The following ECE1 variants were observed in gnomAD, a reference collection of about 807,000 sequenced individuals.
ECE1 encodes the protein endothelin converting enzyme 1.
Under a neutral mutation model 98.6 loss-of-function variants are expected in ECE1, and 35 were observed. The observed-to-expected ratio is 0.35, with a 90% confidence interval of 0.27 to 0.47. The LOEUF is 0.47. Ranked by LOEUF, ECE1 falls within the 20% of genes least tolerant of loss-of-function variation. The pLI is 1.00. For synonymous variants in ECE1, 394 were observed against 407.1 expected (o/e 0.97, Z 0.39); for missense variants, 814 against 1,025.3 (o/e 0.79, Z 2.81).
At chr1:21,282,946 T>A (rs922951533) in intron 2 of ECE1, among the ~76,000 whole-genome samples, 6 of 148,486 alleles carry the variant, frequency 4.0e-5, no homozygotes, top group East Asian at 2.0e-4. Flanking sequence ...TATTTTTTTT[T>A]TTTTTTTTTT....
At chr1:21,244,189 C>T (rs1243688352) in intron 10 of ECE1, among the ~76,000 whole-genome samples, 1 of 152,174 alleles carries the variant, frequency 6.6e-6, no homozygotes, top group Non-Finnish European at 1.5e-5. Context: ...CCAGCCTCTA[C>T]TGCTCTGTAG....
At position 21,280,629 on chromosome 1, in the gene ECE1, C is replaced by T. The variant is rs568166889; in HGVS notation, c.139-1297G>A. On this transcript the variant is annotated intron_variant, in intron 2 of 18. Transcript: ENST00000374893. ...CAAGGCTTGCCAGGAAGAGGGGAAG[C>T]TGTCAGGGAAGATGAGGAGACTCAG... 7.2e-5 allele frequency among the ~76,000 whole-genome samples: 11 copies of T among 152,284 alleles called. No individual in the cohort carries two copies. In the East Asian group the frequency reaches 2.1e-3, roughly 29 times the overall value.
intron 4 of ECE1, among the ~76,000 whole-genome samples, chr1:21,264,246 G>C (rs942637438): frequency 2.6e-5 from 4 of 152,042 alleles, no homozygotes; most frequent in Non-Finnish European, 4.4e-5. Flanking sequence ...CTGGTCTGGG[G>C]AGTCTGTAGA....
rs28367972 is a variant in ECE1 at position 21,260,889 on chromosome 1, G to A, written c.494-497C>T. On this transcript the variant is annotated intron_variant, in intron 4 of 18. Transcript: ENST00000374893. This position sits in a 1 kb window ranked among gnomAD's most constrained non-coding sequence, Gnocchi z 4.3. The stretch of plus-strand genomic sequence containing the variant: ...CTTCCTCCTTGGAGGGGCTAGGCAC[G>A]TTCACCAGGCTTACAGCCAACTCCT... 3.2e-4 allele frequency among the ~76,000 whole-genome samples: 48 copies of A among 152,308 alleles called. No homozygotes were observed. The highest frequency in any genetic ancestry group is 5.6e-4 in the Non-Finnish European group (38 of 68,018).
intron 4 of ECE1, among the ~76,000 whole-genome samples, chr1:21,264,318 CCCT>C (rs1352836611): frequency 3.5e-5 from 5 of 141,768 alleles, no homozygotes; most frequent in South Asian, 2.3e-4. Flanking sequence ...TTCCCCCCCC[CCCT>C]TTTTTTTTTT....
chr1:21,334,576 G>T (rs1639271884), intron 1 of ECE1, among the ~76,000 whole-genome samples: 1 of 152,226 alleles, frequency 6.6e-6, no homozygotes, highest in South Asian at 2.1e-4. Context: ...GCAGGCTCCA[G>T]CTCAATGCCC....
intron 4 of ECE1, among the ~76,000 whole-genome samples, chr1:21,268,947 A>G (rs949562695): frequency 4.6e-5 from 7 of 152,104 alleles, no homozygotes. Flanking sequence ...GAGGGAGAGG[A>G]CCCCAGGATA....
intron 1 of ECE1, among the ~76,000 whole-genome samples, chr1:21,302,699 C>T (rs1177961142): frequency 6.6e-6 from 1 of 152,224 alleles, no homozygotes; most frequent in African/African-American, 2.4e-5. Context: ...GGCATGAGTT[C>T]AAGCCGAGTG....
At chr1:21,270,572 C>A (rs113413472) in intron 4 of ECE1, among the ~76,000 whole-genome samples, 2 of 152,354 alleles carry the variant, frequency 1.3e-5, no homozygotes, top group African/African-American at 4.8e-5. Context: ...ACCTTCCCAG[C>A]TTCCACCCTG....
chr1:21,230,012 G>A (rs541153354), intron 14 of ECE1, among the ~76,000 whole-genome samples: 2 of 152,044 alleles, frequency 1.3e-5, no homozygotes, highest in East Asian at 3.9e-4. Context: ...TTCCGGCCCC[G>A]GTGACATGGT....
chr1:21,342,497 C>T lies in ECE1; in HGVS notation c.3+2879G>A, dbSNP rs146242371. On this transcript the variant is annotated intron_variant, in intron 1 of 18. Coordinates refer to the ECE1 transcript ENST00000415912. The stretch of plus-strand genomic sequence containing the variant: ...CCATCCGAGGCCCTTAAGAACAGCA[C>T]TGACTCCCTGCCAAGGGGTTAGAGA... Among the ~76,000 whole-genome samples the T allele has an allele frequency of 1.8e-3, 269 of 152,224 alleles. 1 individual carries two copies. The highest frequency in any genetic ancestry group is 6.3e-3 in the African/African-American group (260 of 41,528).
intron 1 of ECE1, among the ~76,000 whole-genome samples, chr1:21,301,933 T>C (rs1638495116): frequency 6.6e-6 from 1 of 151,606 alleles, no homozygotes; most frequent in Admixed American, 6.6e-5. Flanking sequence ...GTAGCACTGT[T>C]CCCATTTGAC....
rs1413197228 is a variant in ECE1 at position 21,322,278 on chromosome 1, G to A, written c.3+23098C>T. 6.6e-6 allele frequency among the ~76,000 whole-genome samples: 1 copy of A among 152,142 alleles called. No homozygotes were observed. Among genetic ancestry groups the A allele is most frequent in the Admixed American group, 6.5e-5 (1 of 15,284 alleles). Reference sequence around the variant, plus strand: ...GAGACCCCACACCCCACCTGAGCCCGGAGTGCAGCTCCCTCCCTAACGGCT... The same window carrying A: ...GAGACCCCACACCCCACCTGAGCCCAGAGTGCAGCTCCCTCCCTAACGGCT... On this transcript the variant is annotated intron_variant, in intron 1 of 18. Transcript: ENST00000415912. This position sits in a 1 kb window ranked among gnomAD's most constrained non-coding sequence, Gnocchi z 4.1.
Position 21,225,522 on chromosome 1 carries a change from A to G in ECE1, c.1850-82T>C. ...CTGCTCCTCCCTGCTCCTGGTGAGA[A>G]GCGGTTCATCCGTCCACCCCCGTCC... On this transcript the variant is annotated intron_variant, in intron 16 of 18. Transcript: ENST00000374893. This position sits in a 1 kb window ranked among gnomAD's most constrained non-coding sequence, Gnocchi z 5.3. 6.6e-7 allele frequency: 1 copy of G among 1,520,732 alleles called. No individual in the cohort carries two copies. Among genetic ancestry groups the G allele is most frequent in the Non-Finnish European group, 8.9e-7 (1 of 1,120,912 alleles). The allele number at this position is 1,520,732 out of a possible 1,614,324, so 94.2% of individuals were successfully genotyped here. A position where few individuals can be genotyped will look rare whatever the true frequency, so the allele number is the denominator to read the frequency against.
At chr1:21,280,842 G>C (rs574491987) in intron 2 of ECE1, among the ~76,000 whole-genome samples, 1 of 152,276 alleles carries the variant, frequency 6.6e-6, no homozygotes, top group African/African-American at 2.4e-5. Flanking sequence ...TGCTGCACCA[G>C]AGATGGAGGA....
chr1:21,300,521 G>A (rs1451224076), intron 1 of ECE1, among the ~76,000 whole-genome samples: 1 of 151,734 alleles, frequency 6.6e-6, no homozygotes, highest in Non-Finnish European at 1.5e-5. Context: ...TCCAACCTCC[G>A]CCTCCTGGGC....
chr1:21,268,345 C>T (rs1223765132), intron 4 of ECE1, among the ~76,000 whole-genome samples: 1 of 152,154 alleles, frequency 6.6e-6, no homozygotes, highest in Non-Finnish European at 1.5e-5. Flanking sequence ...CAAGGACAGC[C>T]CATGCTGGCC....
chr1:21,278,259 C>A (rs909101618), intron 3 of ECE1, among the ~76,000 whole-genome samples: 4 of 152,212 alleles, frequency 2.6e-5, no homozygotes, highest in Non-Finnish European at 5.9e-5. Context: ...CCCCTTCGCA[C>A]TTCTTAAGTG....
chr1:21,277,214 T>A (rs895702264), intron 3 of ECE1, among the ~76,000 whole-genome samples: 1 of 152,208 alleles, frequency 6.6e-6, no homozygotes, highest in African/African-American at 2.4e-5. Flanking sequence ...AAAACCCTTC[T>A]GAGACCCAGA....
Sources: gnomAD v4.1 joint callset for allele counts (sites outside exome capture counted in the v4.1 genomes callset) on GRCh38, gnomAD v4.1.1 for gene constraint, Gnocchi (gnomAD v3.1) non-coding constraint, MANE v1.5 for transcripts, NCBI Gene and HGNC (gene_info 2026-07-23, HGNC 2026-07-21) for gene names.